MYH6: variants seen among roughly 807,000 people sequenced by gnomAD.
MYH6 encodes myosin heavy chain 6, also known as myosin-6.
In MYH6, 126 loss-of-function variants were observed where a neutral mutation model predicts 223.2. The ratio of observed to expected loss-of-function variants is 0.56; its 90% CI spans 0.49 to 0.65. MYH6 has a LOEUF of 0.65. MYH6 is among the 30% of genes least tolerant of loss of function. The probability of loss-of-function intolerance (pLI) is 0.00; values close to 1 mark genes in which losing one functional copy is unlikely to be tolerated. For synonymous variants in MYH6, 978 were observed against 1,010.2 expected, an observed-to-expected ratio of 0.97 and a Z score of 0.61; for missense variants, 2,040 against 2,536.4, an observed-to-expected ratio of 0.80 and a Z score of 4.20.
Position 23,384,562 on chromosome 14 carries a change from C to T in MYH6, c.5445G>A (p.Gln1815=), listed in dbSNP as rs979327556. 1.2e-6 allele frequency: 2 copies of T among 1,613,622 alleles called. No individual in the cohort carries two copies. Among genetic ancestry groups the T allele is most frequent in the Admixed American group, 1.7e-5 (1 of 60,018 alleles). ...GCTCCCGCACCCGCGCTTCCAGCTTCTGCAGCTGCTTCTTGCCTCCCTTGA... is the reference window on the plus strand; with the variant it reads ...GCTCCCGCACCCGCGCTTCCAGCTTTTGCAGCTGCTTCTTGCCTCCCTTGA... The part of the protein sequence containing the change: ...IALKGGKKQL[Q]KLEARVRELE... Residue 1815 remains glutamine (Q), a synonymous_variant, in exon 36 of 39, where the codon CAG becomes CAA. Transcript: ENST00000405093.
chr14:23,405,536 G>T lies in MYH6; in HGVS notation c.345+91C>A. The T allele has an allele frequency of 3.1e-6, 5 of 1,602,096 alleles. No individual in the cohort carries two copies. In the South Asian group the frequency reaches 5.5e-5, roughly 18 times the overall value. ...GGAAGGGGACTTGGGTCCCTTGGGAGTCTCTCCCCCTCTTCTTGGGAGAGC... is the reference window on the plus strand; with the variant it reads ...GGAAGGGGACTTGGGTCCCTTGGGATTCTCTCCCCCTCTTCTTGGGAGAGC... On this transcript the variant is annotated intron_variant, in intron 4 of 38. Coordinates refer to ENST00000405093, the MANE Select transcript of MYH6 (RefSeq NM_002471.4). This position sits in a 1 kb window ranked among gnomAD's most constrained non-coding sequence, Gnocchi z 4.7.
Position 23,407,544 on chromosome 14 carries a change from GTC to G in MYH6, c.-14+30_-14+31del. 3 of 1,270,300 alleles carry G rather than the reference GTC, an allele frequency of 2.4e-6. No individual in the cohort carries two copies. Among genetic ancestry groups the G allele is most frequent in the Non-Finnish European group, 2.0e-6 (2 of 995,740 alleles). The allele number at this position is 1,270,300 out of a possible 1,614,324, so 78.7% of individuals were successfully genotyped here. A position where few individuals can be genotyped will look rare whatever the true frequency, so the allele number is the denominator to read the frequency against. On this transcript the variant is annotated intron_variant, in intron 2 of 38. Transcript: ENST00000405093. This position sits in a 1 kb window ranked among gnomAD's most constrained non-coding sequence, Gnocchi z 5.6. ...CGGCTCCCAGGAGAAGCATGCCCCA[GTC>G]TCTGCAGAGAAAATGGGGGCAGTTC...
chr14:23,404,106 G>C (rs151153336), intron 8 of MYH6, among the ~76,000 whole-genome samples, 190 bp downstream of exon 8: 1 of 152,232 alleles, frequency 6.6e-6, no homozygotes, highest in Non-Finnish European at 1.5e-5. Flanking sequence ...GCTCAGAGAG[G>C]TGTAAGGACT....
rs760399050 is a variant in MYH6, at chr14:23,390,341, C to G, written c.3448G>C (p.Glu1150Gln). The G allele has an allele frequency of 5.0e-6, 8 of 1,608,470 alleles. No homozygotes were observed. In the Admixed American group the frequency reaches 5.0e-5, roughly 10 times the overall value. The stretch of plus-strand genomic sequence containing the variant: ...GCCCCGCCGGCCTCTTCCAGCCGCT[C>G]GCTGATCTCCTCCAGCTCCCGAGAC... The part of the protein sequence containing the change: ...DLSRELEEIS[E>Q]RLEEAGGATS... The change falls in exon 26 of 39, where the codon GAG becomes CAG. Residue 1150 changes from glutamate to glutamine, a missense_variant. Transcript: ENST00000405093.
At position 23,404,376 on chromosome 14, in the gene MYH6, C is replaced by A. The variant is rs762797915; in HGVS notation, c.655G>T (p.Asp219Tyr). Residue 219 changes from aspartate (D) to tyrosine (Y), a missense_variant, in exon 8 of 39, where the codon GAC (aspartate) becomes TAC (tyrosine). Transcript: ENST00000405093. ...NANANKGTLEDQIIQANPALE... is the reference protein window; with the variant it reads ...NANANKGTLEYQIIQANPALE... The stretch of plus-strand genomic sequence containing the variant: ...GCGGGGTTGGCCTGGATGATCTGGT[C>A]CTCCAGGGTGCCCTATGAAAGGAGC... The A allele has an allele frequency of 1.2e-6, 2 of 1,614,212 alleles. No homozygotes were observed. Among genetic ancestry groups the A allele is most frequent in the South Asian group, 1.1e-5 (1 of 91,074 alleles).
chr14:23,398,174 C>T lies in MYH6; in HGVS notation c.1891+554G>A, dbSNP rs544858448. On this transcript the variant is annotated intron_variant, in intron 15 of 38. Coordinates refer to ENST00000405093, the MANE Select transcript of MYH6 (RefSeq NM_002471.4). ...CTGGGACTACAGGCAGGTGCCACCACGCCAGGCTAATTTTTGTATTTTTAG... is the reference window on the plus strand; with the variant it reads ...CTGGGACTACAGGCAGGTGCCACCATGCCAGGCTAATTTTTGTATTTTTAG... 1.1e-4 allele frequency among the ~76,000 whole-genome samples: 17 copies of T among 151,990 alleles called. 1 individual carries two copies. The highest frequency in any genetic ancestry group is 8.3e-4 in the South Asian group (4 of 4,808).
At position 23,383,333 on chromosome 14, in the gene MYH6, GGGTGGGA is replaced by G; in HGVS notation, c.5566-20_5566-14del. The stretch of plus-strand genomic sequence containing the variant: ...TGTCTTCCTCTGTCTGGGGGTGGGA[GGGTGGGA>G]GAAGCTGGTTTGGAGGGGGAGCAAA... On this transcript the variant is annotated splice_polypyrimidine_tract_variant and intron_variant, in intron 36 of 38. Coordinates refer to ENST00000405093, the MANE Select transcript of MYH6 (RefSeq NM_002471.4). 1 of 504,656 alleles carries G rather than the reference GGGTGGGA, an allele frequency of 2.0e-6. No individual in the cohort carries two copies. Among genetic ancestry groups the G allele is most frequent in the Non-Finnish European group, 4.0e-6 (1 of 252,458 alleles). The allele number at this position is 504,656 out of a possible 1,614,324, so 31.3% of individuals were successfully genotyped here.
Position 23,405,895 on chromosome 14 carries a change from G to T in MYH6, c.202-125C>A. 1 of 1,195,458 alleles carries T rather than the reference G, an allele frequency of 8.4e-7. No homozygotes were observed. The highest frequency in any genetic ancestry group is 1.2e-6 in the Non-Finnish European group (1 of 812,582). The allele number at this position is 1,195,458 out of a possible 1,614,324, so 74.1% of individuals were successfully genotyped here. On this transcript the variant is annotated intron_variant, in intron 3 of 38. Coordinates refer to ENST00000405093, the MANE Select transcript of MYH6 (RefSeq NM_002471.4). This position sits in a 1 kb window ranked among gnomAD's most constrained non-coding sequence, Gnocchi z 4.7. Reference sequence around the variant, plus strand: ...CCTTGCTCCCCTTGCTCTGACCAGTGCCCCGGCCCCTACCCCGATGTCCCC... The same window carrying T: ...CCTTGCTCCCCTTGCTCTGACCAGTTCCCCGGCCCCTACCCCGATGTCCCC...
At chr14:23,390,017 G>C in intron 26 of MYH6, 40 bp downstream of exon 26, 1 of 1,613,550 alleles carries the variant, frequency 6.2e-7, no homozygotes, top group Non-Finnish European at 8.5e-7. Flanking sequence ...AGGCTCCGCT[G>C]TGCAGGGGAG....
chr14:23,397,336 C>T, intron 16 of MYH6, 79 bp from the exon 17 acceptor site: 2 of 1,421,276 alleles, frequency 1.4e-6, no homozygotes, highest in East Asian at 2.3e-5. Context: ...CCCAGACACT[C>T]TCCACCAGAA....
In MYH6 at chr14:23,388,884, G is replaced by T. The variant is rs763926580; in HGVS notation, c.4150C>A (p.Arg1384=). 6.2e-7 allele frequency: 1 copy of T among 1,613,768 alleles called. No homozygotes were observed. The highest frequency in any genetic ancestry group is 1.3e-5 in the African/African-American group (1 of 75,038). The change falls in exon 29 of 39, where the codon CGG becomes AGG. Residue 1384 remains arginine, a synonymous_variant. Transcript: ENST00000405093. Reference sequence around the variant, plus strand: ...TTGGCCTCTTCGAGCTCCTCAGTCCGCTGAATGGCGTCCGTCTCATACTTG... The same window carrying T: ...TTGGCCTCTTCGAGCTCCTCAGTCCTCTGAATGGCGTCCGTCTCATACTTG... ...RTKYETDAIQ[R]TEELEEAKKK...
At chr14:23,403,230 G>T in intron 10 of MYH6, 118 bp downstream of exon 10, 1 of 873,358 alleles carries the variant, frequency 1.1e-6, no homozygotes, top group Non-Finnish European at 2.0e-6. Context: ...GGAGGGAGAA[G>T]GGAAGTGAGC....
At chr14:23,388,787 G>C (rs28730766) in intron 29 of MYH6, 72 bp downstream of exon 29, 3 of 1,606,780 alleles carry the variant, frequency 1.9e-6, no homozygotes, top group East Asian at 2.2e-5. Context: ...TGACCACTTT[G>C]CCTGTCCCCA....
rs201560522 is a variant in MYH6, at chr14:23,382,032, A to G, written c.*8T>C. ...CAGGTTGGCAAGAGTGAGGTTCCCG[A>G]GGCAGTGTCACTCCTCATCGTGCAT... On this transcript the variant is annotated 3_prime_UTR_variant, in exon 39 of 39. Transcript: ENST00000405093. The G allele has an allele frequency of 2.1e-4, 335 of 1,614,202 alleles. No homozygotes were observed. In the African/African-American group the frequency reaches 4.1e-3, roughly 20 times the overall value.
intron 34 of MYH6, 112 bp from the exon 35 acceptor site, chr14:23,385,153 GC>G: frequency 1.5e-6 from 2 of 1,359,754 alleles, no homozygotes; most frequent in Non-Finnish European, 2.1e-6. Context: ...AAAACAACAA[GC>G]CCACTTTTAG....
intron 33 of MYH6, 87 bp downstream of exon 33, chr14:23,386,228 G>A: frequency 2.5e-6 from 4 of 1,612,826 alleles, no homozygotes; most frequent in Admixed American, 1.7e-5. Context: ...AGGGGCAGGA[G>A]GAATCTGGTG....
In MYH6 at chr14:23,407,348, G is replaced by T; in HGVS notation, c.-13-112C>A. On this transcript the variant is annotated intron_variant, in intron 2 of 38. Coordinates refer to ENST00000405093, the MANE Select transcript of MYH6 (RefSeq NM_002471.4). The surrounding 1 kb of genome is among the most constrained non-coding windows in gnomAD (Gnocchi z 5.6). ...CCCCCGCTCCTCTCCTCCACCCTGG[G>T]AGAGGCACCTGCTGTTGCACCCTCC... is the stretch of plus-strand genomic sequence containing the variant. 3.8e-6 allele frequency: 5 copies of T among 1,315,738 alleles called. No individual in the cohort carries two copies. Among genetic ancestry groups the T allele is most frequent in the Non-Finnish European group, 4.3e-6 (4 of 936,686 alleles). 81.5% of individuals were successfully genotyped at this position (1,315,738 alleles called of 1,614,324 possible). A position where few individuals can be genotyped will look rare whatever the true frequency, so the allele number is the denominator to read the frequency against.
In MYH6 at chr14:23,393,046, G is replaced by A. The variant is rs140314752; in HGVS notation, c.3117C>T (p.Ser1039=). The change falls in exon 24 of 39, where the codon TCC becomes TCT. Residue 1039 remains serine (S), a synonymous_variant. Transcript: ENST00000405093. ...TGCGCACCTTCTTCTCTTGCTCTAG[G>A]GATCCCTCCAGCTGTTGGAGGGAAG... ...LEQQVDDLEG[S]LEQEKKVRMD... 1.9e-6 allele frequency: 3 copies of A among 1,614,138 alleles called. No individual in the cohort carries two copies. The highest frequency in any genetic ancestry group is 2.5e-6 in the Non-Finnish European group (3 of 1,180,020).
At chr14:23,395,315 G>A (rs1182597503) in intron 20 of MYH6, among the ~76,000 whole-genome samples, 1 of 152,202 alleles carries the variant, frequency 6.6e-6, no homozygotes, top group Non-Finnish European at 1.5e-5. Flanking sequence ...CATGTAGTTG[G>A]AGTTCACATC....
Sources: gnomAD v4.1 joint callset for allele counts (sites outside exome capture counted in the v4.1 genomes callset) on GRCh38, gnomAD v4.1.1 for gene constraint, Gnocchi (gnomAD v3.1) non-coding constraint, MANE v1.5 for transcripts, NCBI Gene and HGNC (gene_info 2026-07-23, HGNC 2026-07-21) for gene names.